The following ERG variants were observed in gnomAD, a reference collection of about 807,000 sequenced individuals.
ERG encodes the protein ETS transcription factor ERG.
ERG carries 9 observed loss-of-function variants against 55.3 expected under a neutral mutation model. The observed-to-expected ratio is 0.16, with a 90% CI of 0.10 to 0.28. The LOEUF is 0.28. Ranked by LOEUF, ERG falls within the 10% of genes least tolerant of loss-of-function variation. The probability of loss-of-function intolerance (pLI) is 1.00; values close to 1 mark genes in which losing one functional copy is unlikely to be tolerated. For missense variants in ERG, 434 were observed against 631.6 expected (o/e 0.69, Z 3.35); for synonymous variants, 223 against 237.3 (o/e 0.94, Z 0.55).
At chr21:38,549,634 T>C (rs2059811185) in intron 2 of ERG, among the ~76,000 whole-genome samples, 1 of 152,194 alleles carries the variant, frequency 6.6e-6, no homozygotes, top group African/African-American at 2.4e-5. Context: ...GAGGCTTCTT[T>C]GGGTGCAAAT....
At chr21:38,386,635 C>T (rs1695356445) in intron 9 of ERG, among the ~76,000 whole-genome samples, 1 of 152,148 alleles carries the variant, frequency 6.6e-6, no homozygotes, top group Admixed American at 6.5e-5. Flanking sequence ...AACAAGAATG[C>T]TTAGGGTTTA....
At chr21:38,625,034 A>G (rs910004379) in intron 1 of ERG, among the ~76,000 whole-genome samples, 7 of 152,226 alleles carry the variant, frequency 4.6e-5, no homozygotes, top group African/African-American at 1.7e-4. Flanking sequence ...CCTGTCCCAA[A>G]AGACAATGTG....
intron 2 of ERG, among the ~76,000 whole-genome samples, chr21:38,552,319 C>G (rs1443138859): frequency 6.6e-6 from 1 of 152,122 alleles, no homozygotes; most frequent in African/African-American, 2.4e-5. Flanking sequence ...AAGACTCCTC[C>G]TTAACCTCAT....
chr21:38,369,468 T>A, the ERG span, among the ~76,000 whole-genome samples: 3 of 152,220 alleles, frequency 2.0e-5, no homozygotes, highest in African/African-American at 7.2e-5. Flanking sequence ...AAGGGTTGTT[T>A]CTTTTCTTTG....
chr21:38,622,309 G>T (rs1470427989), intron 1 of ERG, among the ~76,000 whole-genome samples: 1 of 152,066 alleles, frequency 6.6e-6, no homozygotes, highest in African/African-American at 2.4e-5. Context: ...AGGAAAGCAG[G>T]GCTCTGCCGC....
At chr21:38,466,507 G>C (rs944833928) in intron 1 of ERG, among the ~76,000 whole-genome samples, 5 of 152,028 alleles carry the variant, frequency 3.3e-5, no homozygotes, top group Non-Finnish European at 7.4e-5. Flanking sequence ...TTCCTACACA[G>C]TGTACTAAGA....
chr21:38,543,556 C>T (rs1412851111), intron 2 of ERG, among the ~76,000 whole-genome samples: 1 of 151,994 alleles, frequency 6.6e-6, no homozygotes, highest in Non-Finnish European at 1.5e-5. Context: ...TGAGCATCCA[C>T]TATGGGCTGG....
intron 1 of ERG, among the ~76,000 whole-genome samples, chr21:38,652,544 C>A (rs2060494266): frequency 6.6e-6 from 1 of 152,200 alleles, no homozygotes; most frequent in Non-Finnish European, 1.5e-5. Flanking sequence ...AATGCAATGG[C>A]CCGCCAGGCA....
rs1450323568 is a variant in ERG at position 38,600,683 on chromosome 21, G to A, written c.-149-15738C>T. ...CCAATAGCTGCAAAAGTAAGAAATC[G>A]TAATAAGCATGGAATCACAGAACCA... is the stretch of plus-strand genomic sequence containing the variant. On this transcript the variant is annotated intron_variant, in intron 1 of 10. Transcript: ENST00000398910. 1.3e-3 allele frequency among the ~76,000 whole-genome samples: 197 copies of A among 152,170 alleles called. 2 individuals carry two copies. Among genetic ancestry groups the A allele is most frequent in the Non-Finnish European group, 4.3e-4 (29 of 68,030 alleles).
exon 1 of ERG, chr21:38,661,677 T>A (rs751886316): frequency 6.6e-6 from 1 of 152,350 alleles, no homozygotes; most frequent in Non-Finnish European, 1.5e-5. Context: ...GCTCCTCTTC[T>A]CTCATGTCCC....
At chr21:38,391,148 C>T (rs975047959) in intron 8 of ERG, 106 bp from the exon 9 acceptor site, 12 of 918,126 alleles carry the variant, frequency 1.3e-5, no homozygotes, top group African/African-American at 6.7e-5. Flanking sequence ...ATTTCAGAGC[C>T]GAAAATGTCC....
chr21:38,477,043 C>A (rs9984495), intron 1 of ERG, among the ~76,000 whole-genome samples: 17,800 of 114,050 alleles, frequency 0.16, 1,246 homozygotes, highest in Admixed American at 0.22. Context: ...GACAGAGTCT[C>A]ACTCTGTCGC....
At chr21:38,466,300 G>GGTGTGTGGGGGTGT (rs1555903684) in intron 1 of ERG, among the ~76,000 whole-genome samples, 4 of 140,604 alleles carry the variant, frequency 2.8e-5, no homozygotes, top group East Asian at 4.1e-4. Context: ...GATGGTCTGG[G>GGTGTGTGGGGGTGT]GTGTGTGTGT....
At position 38,483,745 on chromosome 21, in the gene ERG, C is replaced by T. The variant is rs533357812; in HGVS notation, c.18+14618G>A. ...GGGCATGGTGGCACACGTCTGTAGT[C>T]CCAGCTACTCGGGAGGCTGAGGCAG... On this transcript the variant is annotated intron_variant, in intron 1 of 9. Transcript: ENST00000288319. 2.6e-5 allele frequency among the ~76,000 whole-genome samples: 4 copies of T among 152,232 alleles called. No individual in the cohort carries two copies. The South Asian group carries it at 8.3e-4, about 32-fold the overall frequency.
chr21:38,492,412 T>C (rs944577178), intron 1 of ERG, among the ~76,000 whole-genome samples: 1 of 152,222 alleles, frequency 6.6e-6, no homozygotes, highest in Non-Finnish European at 1.5e-5. Context: ...AGGAGAAATG[T>C]CTCTAAAAAC....
rs112619740 is a variant in ERG, at chr21:38,404,102, T to C, written c.389-393A>G. ...AAAACTACTGGTATATTTATATATA[T>C]TTATATGGAAATAAGAGTAAGCCAC... On this transcript the variant is annotated intron_variant, in intron 3 of 9. Coordinates refer to ENST00000288319, the MANE Select transcript of ERG (RefSeq NM_182918.4). 2.8e-3 allele frequency among the ~76,000 whole-genome samples: 424 copies of C among 152,306 alleles called. 4 individuals are homozygous for C. Among genetic ancestry groups the C allele is most frequent in the African/African-American group, 9.4e-3 (391 of 41,560 alleles).
intron 9 of ERG, among the ~76,000 whole-genome samples, chr21:38,390,604 G>A (rs569013872): frequency 9.8e-5 from 15 of 152,332 alleles, no homozygotes; most frequent in South Asian, 2.1e-4. Flanking sequence ...ATGGCTATCT[G>A]TAAGCCAGGG....
At chr21:38,403,744 G>A (rs1381814907) in intron 3 of ERG, 35 bp from the exon 4 acceptor site, 2 of 1,595,976 alleles carry the variant, frequency 1.3e-6, no homozygotes, top group South Asian at 1.1e-5. Context: ...GTCAATTCCT[G>A]AAGCCAGGGA....
intron 1 of ERG, among the ~76,000 whole-genome samples, chr21:38,465,771 T>G (rs189162571): frequency 2.0e-5 from 3 of 152,358 alleles, no homozygotes; most frequent in Non-Finnish European, 4.4e-5. Flanking sequence ...TTATAAGTTT[T>G]GCCACACGTG....
Sources: gnomAD v4.1 joint callset for allele counts (sites outside exome capture counted in the v4.1 genomes callset) on GRCh38, gnomAD v4.1.1 for gene constraint, MANE v1.5 for transcripts, NCBI Gene and HGNC (gene_info 2026-07-23, HGNC 2026-07-21) for gene names.